ADAT1: variants seen among roughly 807,000 people sequenced by gnomAD.
ADAT1 encodes tRNA-specific adenosine deaminase 1.
A neutral mutation model predicts 58.6 loss-of-function variants in ADAT1; 58 were observed. The ratio of observed to expected loss-of-function variants is 0.99; its 90% CI spans 0.80 to 1.23. ADAT1 has a LOEUF of 1.23. Among genes scored for constraint, ADAT1 ranks in the 50% most tolerant of loss-of-function variants. ADAT1 has a pLI of 0.00. For synonymous variants in ADAT1, 254 were observed against 220.8 expected (o/e 1.15, Z -1.33); for missense variants, 741 against 608.6 (o/e 1.22, Z -2.29).
At chr16:75,617,921 T>TAA (rs112837622) in intron 4 of ADAT1, among the ~76,000 whole-genome samples, 23 of 136,154 alleles carry the variant, frequency 1.7e-4, no homozygotes, top group African/African-American at 2.7e-4. Flanking sequence ...ACCCTGTCTT[T>TAA]AAAAAAAAAA....
chr16:75,618,124 AGAG>A (rs2081799065), intron 4 of ADAT1, among the ~76,000 whole-genome samples: 1 of 138,392 alleles, frequency 7.2e-6, no homozygotes, highest in Non-Finnish European at 1.5e-5. Context: ...AAAAAAAAAA[AGAG>A]AGAACCACTA....
intron 6 of ADAT1, among the ~76,000 whole-genome samples, chr16:75,610,095 C>T (rs558146613): frequency 1.6e-4 from 25 of 152,276 alleles, no homozygotes; most frequent in African/African-American, 6.0e-4. Context: ...ATTTCTTTCA[C>T]TTAGCATTAT....
Position 75,598,799 on chromosome 16 carries a change from G to GTT in ADAT1, c.*1416_*1417insAA. The stretch of plus-strand genomic sequence containing the variant: ...CTCCCAAAGTGTTGGAATTACAGGC[G>GTT]TAAGCCACCGTGCCCGGCCTAAAAA... On this transcript the variant is annotated 3_prime_UTR_variant, in exon 10 of 10. Coordinates refer to ENST00000564657, the MANE Select transcript of ADAT1 (RefSeq NM_001324445.2). 1 of 748,820 alleles carries GTT rather than the reference G, an allele frequency of 1.3e-6. No individual in the cohort carries two copies. Among genetic ancestry groups the GTT allele is most frequent in the Non-Finnish European group, 1.6e-6 (1 of 614,116 alleles). 46.4% of individuals were successfully genotyped at this position (748,820 alleles called of 1,614,324 possible).
Position 75,608,983 on chromosome 16 carries a change from T to A in ADAT1, c.1049A>T (p.Gln350Leu). ...GCCTTTTGGTAAAGCAGACACATTCTGACACCTAAATACAAGGGAAAATGC... is the reference window on the plus strand; with the variant it reads ...GCCTTTTGGTAAAGCAGACACATTCAGACACCTAAATACAAGGGAAAATGC... The part of the protein sequence containing the change: ...AMQRALIGRC[Q>L]NVSALPKGFG... Residue 350 changes from glutamine (Q) to leucine (L), a missense_variant, in exon 7 of 10, where the codon CAG becomes CTG. Gln to Leu is a moderately radical substitution (Grantham distance 113). Transcript: ENST00000564657. 1 of 1,614,166 alleles carries A rather than the reference T, an allele frequency of 6.2e-7. No homozygotes were observed. Among genetic ancestry groups the A allele is most frequent in the Non-Finnish European group, 8.5e-7 (1 of 1,180,016 alleles).
chr16:75,602,779 T>C (rs184090370), intron 9 of ADAT1, among the ~76,000 whole-genome samples: 14 of 152,330 alleles, frequency 9.2e-5, no homozygotes, highest in Non-Finnish European at 1.9e-4. Flanking sequence ...ATATTGCTCT[T>C]AGAGCACTCC....
In ADAT1 at chr16:75,597,103, A is replaced by T. The variant is rs1390337434; in HGVS notation, c.*3113T>A. 1 of 177,542 alleles carries T rather than the reference A, an allele frequency of 5.6e-6. No individual in the cohort carries two copies. Among genetic ancestry groups the T allele is most frequent in the East Asian group, 1.7e-4 (1 of 6,028 alleles). 11.0% of individuals were successfully genotyped at this position (177,542 alleles called of 1,614,324 possible). Reference sequence around the variant, plus strand: ...GGAAGTGACTGCTAATGGGTTCTGCAATGGGTTGAGTGGTGTCCCCCAAAA... The same window carrying T: ...GGAAGTGACTGCTAATGGGTTCTGCTATGGGTTGAGTGGTGTCCCCCAAAA... On this transcript the variant is annotated 3_prime_UTR_variant, in exon 10 of 10. Transcript: ENST00000564657.
At position 75,617,097 on chromosome 16, in the gene ADAT1, G is replaced by T. The variant is rs376328302; in HGVS notation, c.424+45C>A. ...TACCTATGGATAACACAAACATAAG[G>T]AAGTAGTTCATGTAACATTAATCCA... On this transcript the variant is annotated intron_variant, in intron 5 of 9. Transcript: ENST00000564657. 19 of 1,572,654 alleles carry T rather than the reference G, an allele frequency of 1.2e-5. No homozygotes were observed. In the East Asian group the frequency reaches 3.9e-4, roughly 32 times the overall value.
At position 75,599,459 on chromosome 16, in the gene ADAT1, A is replaced by G. The variant is rs2081166070; in HGVS notation, c.*757T>C. 1 of 985,746 alleles carries G rather than the reference A, an allele frequency of 1.0e-6. No individual in the cohort carries two copies. Among genetic ancestry groups the G allele is most frequent in the Non-Finnish European group, 1.2e-6 (1 of 829,948 alleles). 61.1% of individuals were successfully genotyped at this position (985,746 alleles called of 1,614,324 possible). On this transcript the variant is annotated 3_prime_UTR_variant, in exon 10 of 10. Transcript: ENST00000564657. ...ACAAACAGGCTTAATCAAAATAACA[A>G]CAGGAATCTGTCTCACATAATTGAG...
intron 4 of ADAT1, among the ~76,000 whole-genome samples, chr16:75,617,595 C>T (rs2151779207): frequency 6.6e-6 from 1 of 150,964 alleles, no homozygotes; most frequent in South Asian, 2.1e-4. Flanking sequence ...GATTCTGCCA[C>T]TGTACTTCAG....
rs1320079669 is a variant in ADAT1, at chr16:75,603,822, AT to A, written c.1290-652del. On this transcript the variant is annotated intron_variant, in intron 8 of 9. Transcript: ENST00000564657. ...TTGGGAAATGCTGTGTATACCAACA[AT>A]GTGCAGTCTCACTTTTACACACCAC... is the stretch of plus-strand genomic sequence containing the variant. Among the ~76,000 whole-genome samples the A allele has an allele frequency of 3.3e-5, 5 of 152,302 alleles. No homozygotes were observed. The East Asian group carries it at 9.6e-4, about 29-fold the overall frequency.
chr16:75,618,745 T>C, intron 3 of ADAT1, 105 bp from the exon 4 acceptor site: 1 of 1,345,432 alleles, frequency 7.4e-7, no homozygotes, highest in Non-Finnish European at 1.0e-6. Flanking sequence ...GATGGTCATG[T>C]AGCTCCTGGA....
Position 75,598,809 on chromosome 16 carries a change from G to T in ADAT1, c.*1407C>A. ...GTTGGAATTACAGGCGTAAGCCACC[G>T]TGCCCGGCCTAAAAACTTTTAAAAT... is the stretch of plus-strand genomic sequence containing the variant. On this transcript the variant is annotated 3_prime_UTR_variant, in exon 10 of 10. Coordinates refer to ENST00000564657, the MANE Select transcript of ADAT1 (RefSeq NM_001324445.2). The T allele has an allele frequency of 1.2e-6, 1 of 830,794 alleles. No individual in the cohort carries two copies. The highest frequency in any genetic ancestry group is 1.5e-6 in the Non-Finnish European group (1 of 689,162). 51.5% of individuals were successfully genotyped at this position (830,794 alleles called of 1,614,324 possible). A position where few individuals can be genotyped will look rare whatever the true frequency, so the allele number is the denominator to read the frequency against.
At chr16:75,617,410 G>C in intron 4 of ADAT1, 138 bp from the exon 5 acceptor site, 1 of 909,582 alleles carries the variant, frequency 1.1e-6, no homozygotes, top group Non-Finnish European at 1.6e-6. Context: ...GAATGCTCTA[G>C]ACCAGTGATT....
rs1310055434 is a variant in ADAT1, at chr16:75,612,427, T to C, written c.859A>G (p.Lys287Glu). ...AFHQVGLLRV[K>E]PGRGDRTRSM... The stretch of plus-strand genomic sequence containing the variant: ...CGTGTTCTGTCTCCACGGCCTGGCT[T>C]CACTCGGAGCAGCCCCACCTGGTGA... Residue 287 changes from lysine to glutamate, a missense_variant, in exon 6 of 10, where the codon AAG becomes GAG. Transcript: ENST00000564657. 6.2e-7 allele frequency: 1 copy of C among 1,614,134 alleles called. No individual in the cohort carries two copies. The highest frequency in any genetic ancestry group is 8.5e-7 in the Non-Finnish European group (1 of 1,180,052).
In ADAT1 at chr16:75,603,102, C is replaced by G; in HGVS notation, c.1359G>C (p.Lys453Asn). Residue 453 changes from lysine to asparagine, a missense_variant, in exon 9 of 10, where the codon AAG (lysine) becomes AAC (asparagine). Coordinates refer to ENST00000564657, the MANE Select transcript of ADAT1 (RefSeq NM_001324445.2). ...QKLLSRIARDKWPHSLRVQKL... is the reference protein window; with the variant it reads ...QKLLSRIARDNWPHSLRVQKL... ...AGCATCACCTGAGGGAGTGTGGCCA[C>G]TTGTCCCTTGCAATTCTGCTTAGCA... is the stretch of plus-strand genomic sequence containing the variant. 6.2e-7 allele frequency: 1 copy of G among 1,614,074 alleles called. No individual in the cohort carries two copies. Among genetic ancestry groups the G allele is most frequent in the Non-Finnish European group, 8.5e-7 (1 of 1,179,908 alleles).
At chr16:75,619,538 C>T (rs1319188388) in intron 3 of ADAT1, 2 of 423,324 alleles carry the variant, frequency 4.7e-6, no homozygotes, top group Admixed American at 5.8e-5. Context: ...AAAAAAAAAA[C>T]CACTGAAACA....
chr16:75,618,050 A>G (rs1597137055), intron 4 of ADAT1, among the ~76,000 whole-genome samples: 1 of 145,002 alleles, frequency 6.9e-6, no homozygotes, highest in African/African-American at 2.6e-5. Flanking sequence ...ATGAGCTGAG[A>G]TCACATCACT....
At chr16:75,618,180 A>G (rs887997369) in intron 4 of ADAT1, among the ~76,000 whole-genome samples, 1 of 151,718 alleles carries the variant, frequency 6.6e-6, no homozygotes, top group Non-Finnish European at 1.5e-5. Flanking sequence ...TTACAGACTA[A>G]TATCATCTGT....
At chr16:75,602,200 C>G (rs2081250214) in intron 9 of ADAT1, among the ~76,000 whole-genome samples, 1 of 152,124 alleles carries the variant, frequency 6.6e-6, no homozygotes, top group African/African-American at 2.4e-5. Flanking sequence ...ATCATGTGGC[C>G]AATAATTCAA....
Sources: gnomAD v4.1 joint callset for allele counts (sites outside exome capture counted in the v4.1 genomes callset) on GRCh38, gnomAD v4.1.1 for gene constraint, MANE v1.5 for transcripts, NCBI Gene and HGNC (gene_info 2026-07-23, HGNC 2026-07-21) for gene names.